The following DHX40 variants were observed in gnomAD, a reference collection of about 807,000 sequenced individuals.
DHX40 encodes the protein DEAH-box helicase 40.
In DHX40, 28 loss-of-function variants were observed where a neutral mutation model predicts 89.6. The ratio of observed to expected loss-of-function variants is 0.31; its 90% CI spans 0.23 to 0.43. DHX40 has a LOEUF of 0.43. DHX40 is among the 20% of genes least tolerant of loss of function. The pLI is 1.00. For missense variants in DHX40, 457 were observed against 844.0 expected, an observed-to-expected ratio of 0.54 and a Z score of 5.68; for synonymous variants, 226 against 283.6, an observed-to-expected ratio of 0.80 and a Z score of 2.04.
At chr17:59,572,044 A>G (rs1484473171) in intron 3 of DHX40, among the ~76,000 whole-genome samples, 1 of 152,238 alleles carries the variant, frequency 6.6e-6, no homozygotes, top group Admixed American at 6.5e-5. Flanking sequence ...TGAATTAACA[A>G]AATCAGCCAA....
chr17:59,570,476 A>C, intron 2 of DHX40, 42 bp from the exon 3 acceptor site: 1 of 1,554,778 alleles, frequency 6.4e-7, no homozygotes, highest in Non-Finnish European at 8.7e-7. Flanking sequence ...TAGGAAGACA[A>C]TTGCTAACAT....
chr17:59,575,941 G>GGA, intron 7 of DHX40, among the ~76,000 whole-genome samples: 1 of 150,028 alleles, frequency 6.7e-6, no homozygotes, highest in South Asian at 2.1e-4. Flanking sequence ...CCAGGCTGGA[G>GGA]TGCAGTGGCG....
chr17:59,567,913 C>T (rs2048730303), intron 2 of DHX40, among the ~76,000 whole-genome samples: 1 of 146,680 alleles, frequency 6.8e-6, no homozygotes, highest in Admixed American at 7.0e-5. Flanking sequence ...GCCTGGGAGA[C>T]AGAGTGAGAC....
intron 6 of DHX40, among the ~76,000 whole-genome samples, chr17:59,574,503 TTATGTCAAAGACATAGTAGTA>T (rs1419791769): frequency 6.6e-6 from 1 of 151,174 alleles, no homozygotes; most frequent in East Asian, 1.9e-4. Flanking sequence ...TATATATATT[TTATGTCAAAGACATAGTAGTA>T]TATGTCAAAG....
At chr17:59,604,662 A>C (rs1242772325) in intron 15 of DHX40, 1 of 153,770 alleles carries the variant, frequency 6.5e-6, no homozygotes, top group Non-Finnish European at 1.4e-5. Context: ...CAAGTTTTAG[A>C]GTAGTGAAAA....
chr17:59,581,631 C>T (rs1344488937), intron 10 of DHX40, among the ~76,000 whole-genome samples: 9 of 61,332 alleles, frequency 1.5e-4, no homozygotes, highest in Admixed American at 3.7e-4. Context: ...TGGTGGTGCT[C>T]GTCTGTGATC....
rs531833406 is a variant in DHX40, at chr17:59,591,575, G to T, written c.1582+3522G>T. On this transcript the variant is annotated intron_variant, in intron 12 of 17. Transcript: ENST00000251241. ...TATTTAAATAGATAAAATCAGTGTGGTGTTAGCCTTTTTTGGGTGACATTT... is the reference window on the plus strand; with the variant it reads ...TATTTAAATAGATAAAATCAGTGTGTTGTTAGCCTTTTTTGGGTGACATTT... Among the ~76,000 whole-genome samples the T allele has an allele frequency of 4.8e-4, 73 of 150,790 alleles. 3 individuals carry two copies. In the South Asian group the frequency reaches 0.014, roughly 30 times the overall value.
At chr17:59,597,913 C>T (rs1229495609) in intron 12 of DHX40, among the ~76,000 whole-genome samples, 18 of 140,728 alleles carry the variant, frequency 1.3e-4, no homozygotes, top group African/African-American at 2.4e-4. Flanking sequence ...CCAGTCTGGG[C>T]GATAGAGCGA....
At chr17:59,586,040 G>T (rs1292474897) in intron 10 of DHX40, 113 bp from the exon 11 acceptor site, 7 of 765,270 alleles carry the variant, frequency 9.1e-6, no homozygotes, top group Admixed American at 3.1e-5. Flanking sequence ...AGAAAAAGAA[G>T]ATGACTTGAA....
chr17:59,588,902 C>T (rs527367808), intron 12 of DHX40, among the ~76,000 whole-genome samples: 43 of 152,078 alleles, frequency 2.8e-4, no homozygotes, highest in African/African-American at 6.5e-4. Flanking sequence ...AGTATTTGGA[C>T]GTACAGTTGT....
intron 12 of DHX40, among the ~76,000 whole-genome samples, chr17:59,592,330 T>G (rs149997685): frequency 6.6e-6 from 1 of 151,510 alleles, no homozygotes; most frequent in Non-Finnish European, 1.5e-5. Flanking sequence ...TGATATTTGT[T>G]TACAGTTAAT....
In DHX40 at chr17:59,590,458, T is replaced by G. The variant is rs530421036; in HGVS notation, c.1582+2405T>G. Among the ~76,000 whole-genome samples the G allele has an allele frequency of 1.2e-3, 181 of 151,524 alleles. 2 individuals carry two copies. The highest frequency in any genetic ancestry group is 4.2e-3 in the African/African-American group (174 of 41,200). Reference sequence around the variant, plus strand: ...TCAAATAGTTTGCAGTCTTTTTTTTTTAATTTAAAAAATTTTTAAATTTTA... The same window carrying G: ...TCAAATAGTTTGCAGTCTTTTTTTTGTAATTTAAAAAATTTTTAAATTTTA... On this transcript the variant is annotated intron_variant, in intron 12 of 17. Transcript: ENST00000251241.
intron 14 of DHX40, among the ~76,000 whole-genome samples, chr17:59,600,455 C>T (rs962175158): frequency 7.3e-6 from 1 of 137,448 alleles, no homozygotes; most frequent in Non-Finnish European, 1.5e-5. Context: ...TGGAATCAAA[C>T]AGTATATGCT....
At chr17:59,605,699 T>G (rs1419853314) in intron 17 of DHX40, 25 bp downstream of exon 17, 2 of 1,585,012 alleles carry the variant, frequency 1.3e-6, no homozygotes, top group Non-Finnish European at 1.7e-6. Flanking sequence ...TGTTCTACTC[T>G]TAACCACTAT....
At chr17:59,603,117 CTG>C (rs1314703247) in intron 15 of DHX40, among the ~76,000 whole-genome samples, 2 of 152,016 alleles carry the variant, frequency 1.3e-5, no homozygotes, top group Non-Finnish European at 2.9e-5. Context: ...ACACATAACT[CTG>C]TGAGTGATAA....
chr17:59,573,888 G>T lies in DHX40; in HGVS notation c.695G>T (p.Gly232Val). 1 of 1,610,292 alleles carries T rather than the reference G, an allele frequency of 6.2e-7. No homozygotes were observed. Among genetic ancestry groups the T allele is most frequent in the South Asian group, 1.1e-5 (1 of 90,848 alleles). The change falls in exon 5 of 18, where the codon GGA becomes GTA. Residue 232 changes from glycine to valine, a missense_variant. Around this residue, in one of 9 missense-constraint regions of DHX40, gnomAD observed 116 missense variants for 188.9 expected, o/e 0.61. Coordinates refer to ENST00000251241, the MANE Select transcript of DHX40 (RefSeq NM_024612.5). ...AATTGTCCAATATTTGATATACCTG[G>T]AAGGCTTTATCCAGTCAGAGAGAAA... ...FGNCPIFDIP[G>V]RLYPVREKFC...
At chr17:59,569,425 A>G (rs2048756505) in intron 2 of DHX40, among the ~76,000 whole-genome samples, 1 of 151,638 alleles carries the variant, frequency 6.6e-6, no homozygotes, top group Non-Finnish European at 1.5e-5. Flanking sequence ...GTGGAATTTT[A>G]TGAATTCTTA....
Position 59,595,096 on chromosome 17 carries a change from T to G in DHX40, c.1583-3641T>G, listed in dbSNP as rs568475030. On this transcript the variant is annotated intron_variant, in intron 12 of 17. Coordinates refer to ENST00000251241, the MANE Select transcript of DHX40 (RefSeq NM_024612.5). ...TAGATTTTTTGTTTTTTGTTTTTTT[T>G]TTTTGAGACAGAATTTTGCTCTTGT... Among the ~76,000 whole-genome samples the G allele has an allele frequency of 1.4e-3, 207 of 152,182 alleles. 1 individual carries two copies. Among genetic ancestry groups the G allele is most frequent in the African/African-American group, 4.7e-3 (196 of 41,542 alleles).
rs2048768141 is a variant in DHX40, at chr17:59,569,893, A to C, written c.281-625A>C. 2.1e-5 allele frequency among the ~76,000 whole-genome samples: 3 copies of C among 144,682 alleles called. No individual in the cohort carries two copies. In the South Asian group the frequency reaches 6.3e-4, roughly 30 times the overall value. 94.9% of individuals were successfully genotyped at this position (144,682 alleles called of 152,430 possible). On this transcript the variant is annotated intron_variant, in intron 2 of 17. Coordinates refer to ENST00000251241, the MANE Select transcript of DHX40 (RefSeq NM_024612.5). The stretch of plus-strand genomic sequence containing the variant: ...AAAACCCGTCTCTGCTAAAATACAA[A>C]ATTAGCCCGGCATGGTGGCACATGC...
Sources: gnomAD v4.1 joint callset for allele counts (sites outside exome capture counted in the v4.1 genomes callset) on GRCh38, gnomAD v4.1.1 for gene constraint, gnomAD v4.1.1 regional missense constraint, MANE v1.5 for transcripts, NCBI Gene and HGNC (gene_info 2026-07-23, HGNC 2026-07-21) for gene names.